ITSN2: variants seen among roughly 807,000 people sequenced by gnomAD.
The protein encoded by ITSN2 is intersectin 2.
A neutral mutation model predicts 243.7 loss-of-function variants in ITSN2; 156 were observed. That is an observed-to-expected ratio of 0.64 (90% CI 0.56 to 0.73). The LOEUF (loss-of-function observed/expected upper bound fraction) is 0.73, where lower values mean the gene tolerates loss of function less well. Among genes scored for constraint, ITSN2 ranks in the 30% least tolerant of loss-of-function variants. ITSN2 has a pLI of 0.00. For synonymous variants in ITSN2, 703 were observed against 699.9 expected (o/e 1.00, Z -0.07); for missense variants, 1,801 against 1,996.1 (o/e 0.90, Z 1.86).
intron 27 of ITSN2, among the ~76,000 whole-genome samples, chr2:24,248,118 C>T (rs1673633143): frequency 6.6e-6 from 1 of 151,986 alleles, no homozygotes; most frequent in Non-Finnish European, 1.5e-5. Flanking sequence ...AACCCTTTTC[C>T]TGTATCAAAA....
At chr2:24,310,859 T>C (rs1683179524) in intron 5 of ITSN2, among the ~76,000 whole-genome samples, 167 bp from the exon 6 acceptor site, 1 of 152,196 alleles carries the variant, frequency 6.6e-6, no homozygotes, top group Admixed American at 6.5e-5. Flanking sequence ...GGAGGTAAAC[T>C]GCTGCTCTTA....
chr2:24,350,271 T>A (rs551882123), intron 1 of ITSN2, among the ~76,000 whole-genome samples: 4 of 152,294 alleles, frequency 2.6e-5, no homozygotes, highest in Non-Finnish European at 5.9e-5. Context: ...AGCATTAATC[T>A]AAGCCAATAA....
chr2:24,210,718 C>T lies in ITSN2; in HGVS notation c.4257+62G>A, dbSNP rs547798615. On this transcript the variant is annotated intron_variant, in intron 34 of 39. Coordinates refer to ENST00000355123, the MANE Select transcript of ITSN2 (RefSeq NM_006277.3). Reference sequence around the variant, plus strand: ...CAGACTGTCCACGTGAGGGAAGGCTCGGAGCTGGTTCCCCACCCAGAGCCT... The same window carrying T: ...CAGACTGTCCACGTGAGGGAAGGCTTGGAGCTGGTTCCCCACCCAGAGCCT... 4.1e-5 allele frequency: 62 copies of T among 1,529,152 alleles called. No individual in the cohort carries two copies. In the South Asian group the frequency reaches 5.8e-4, roughly 14 times the overall value. The allele number at this position is 1,529,152 out of a possible 1,614,324, so 94.7% of individuals were successfully genotyped here.
At chr2:24,334,294 C>G (rs2551128) in intron 1 of ITSN2, among the ~76,000 whole-genome samples, 149,262 of 152,240 alleles carry the variant, frequency 0.98, 73,172 homozygotes, top group East Asian at 0.99. Context: ...CCTGACCTCA[C>G]GTGATCCGCC....
At chr2:24,257,109 G>T (rs1272495490) in intron 23 of ITSN2, among the ~76,000 whole-genome samples, 1 of 152,118 alleles carries the variant, frequency 6.6e-6, no homozygotes, top group Non-Finnish European at 1.5e-5. Context: ...TTGAGCCCAG[G>T]AGTTTGAGAA....
At chr2:24,330,708 G>T in intron 1 of ITSN2, 1 of 660,264 alleles carries the variant, frequency 1.5e-6, no homozygotes, top group Admixed American at 2.1e-5. Flanking sequence ...TGTACTTCTG[G>T]TGACAGTAGT....
chr2:24,271,545 ATCT>A (rs1677348928), intron 19 of ITSN2, among the ~76,000 whole-genome samples: 3 of 152,336 alleles, frequency 2.0e-5, no homozygotes, highest in South Asian at 2.1e-4. Context: ...AGTAGTAACT[ATCT>A]TCTTTTCTCC....
At chr2:24,305,642 T>C (rs1281430414) in intron 8 of ITSN2, among the ~76,000 whole-genome samples, 1 of 132,538 alleles carries the variant, frequency 7.5e-6, no homozygotes, top group South Asian at 2.4e-4. Context: ...AACAAACATA[T>C]AAGTCCAGGT....
chr2:24,292,173 C>A (rs1030153588), intron 15 of ITSN2, among the ~76,000 whole-genome samples: 8 of 152,142 alleles, frequency 5.3e-5, no homozygotes, highest in East Asian at 1.9e-4. Flanking sequence ...AAAGCCCAAA[C>A]AAAAGCTTCC....
intron 8 of ITSN2, among the ~76,000 whole-genome samples, chr2:24,304,845 T>C (rs1211600113): frequency 6.6e-6 from 1 of 152,156 alleles, no homozygotes; most frequent in Non-Finnish European, 1.5e-5. Flanking sequence ...GTCTGAGTAA[T>C]ACAAAGGGCC....
At chr2:24,357,076 C>G (rs1466553150) in intron 1 of ITSN2, among the ~76,000 whole-genome samples, 2 of 152,154 alleles carry the variant, frequency 1.3e-5, no homozygotes, top group Non-Finnish European at 2.9e-5. Context: ...GGCAATTCCT[C>G]AAGGATCTAG....
In ITSN2 at chr2:24,204,225, C is replaced by T; in HGVS notation, c.4936+20G>A. On this transcript the variant is annotated intron_variant, in intron 39 of 39. Transcript: ENST00000355123. The surrounding 1 kb of genome is among the most constrained non-coding windows in gnomAD (Gnocchi z 5.1). ...GGAAACTGGGAAAGCCTTTAGATCC[C>T]CTGGCTGAGCGACACTTACCATCTG... 6.2e-7 allele frequency: 1 copy of T among 1,613,070 alleles called. No homozygotes were observed. Among genetic ancestry groups the T allele is most frequent in the South Asian group, 1.1e-5 (1 of 91,022 alleles).
intron 29 of ITSN2, among the ~76,000 whole-genome samples, chr2:24,243,831 C>G (rs1244817208): frequency 6.6e-6 from 1 of 152,078 alleles, no homozygotes; most frequent in Non-Finnish European, 1.5e-5. Context: ...GAGCCACAGG[C>G]CACAAGTGGC....
At chr2:24,303,451 C>A (rs1369776448) in intron 9 of ITSN2, among the ~76,000 whole-genome samples, 1 of 152,146 alleles carries the variant, frequency 6.6e-6, no homozygotes, top group Non-Finnish European at 1.5e-5. Flanking sequence ...ATATAAATAT[C>A]TTTCTGTACA....
intron 1 of ITSN2, among the ~76,000 whole-genome samples, chr2:24,328,819 C>T (rs545135753): frequency 2.6e-5 from 4 of 152,012 alleles, no homozygotes; most frequent in South Asian, 2.1e-4. Flanking sequence ...ATAAATGTAG[C>T]GCAGCTGTTT....
intron 29 of ITSN2, among the ~76,000 whole-genome samples, chr2:24,226,750 C>T (rs1225119178): frequency 6.6e-6 from 1 of 152,078 alleles, no homozygotes; most frequent in Non-Finnish European, 1.5e-5. Flanking sequence ...TTTCTTGGTG[C>T]TCACTTGAGG....
intron 17 of ITSN2, 122 bp from the exon 18 acceptor site, chr2:24,275,971 A>T: frequency 7.8e-6 from 5 of 640,244 alleles, no homozygotes; most frequent in Non-Finnish European, 1.2e-5. Context: ...AATTTAAAAT[A>T]TTTAAAGTTT....
intron 29 of ITSN2, among the ~76,000 whole-genome samples, chr2:24,242,472 T>G (rs1407988004): frequency 1.3e-5 from 2 of 152,106 alleles, no homozygotes; most frequent in Non-Finnish European, 2.9e-5. Flanking sequence ...AAAAGCTGGG[T>G]AGGTACAACA....
intron 29 of ITSN2, chr2:24,242,075 A>G (rs775829162): frequency 6.6e-6 from 1 of 152,656 alleles, no homozygotes; most frequent in Non-Finnish European, 1.5e-5. Context: ...AAGTGGCTCT[A>G]ACATTCAAAC....
Sources: allele counts gnomAD v4.1 joint callset (sites outside exome capture counted in the v4.1 genomes callset), GRCh38; gene constraint gnomAD v4.1.1; non-coding constraint Gnocchi (gnomAD v3.1); transcripts MANE v1.5; gene names NCBI Gene and HGNC (gene_info 2026-07-23, HGNC 2026-07-21).